Variants in ELMOD3 observed in about 807,000 individuals in gnomAD.
The protein encoded by ELMOD3 is ELMO domain containing 3.
A neutral mutation model predicts 47.4 loss-of-function variants in ELMOD3; 36 were observed. The observed-to-expected ratio is 0.76, with a 90% CI of 0.58 to 1.00. ELMOD3 has a LOEUF of 1.00. ELMOD3 is among the 50% of genes least tolerant of loss of function. The pLI is 0.00. For missense variants in ELMOD3, 404 were observed against 463.8 expected (o/e 0.87, Z 1.18); for synonymous variants, 149 against 183.5 (o/e 0.81, Z 1.52).
rs753998682 is a variant in ELMOD3 at position 85,371,215 on chromosome 2, T to A, written c.484+6T>A. ...GGTCCTGACCATTGCTCAGTGTGAG[T>A]GCAATGCGAGCCCACAGGGCAGTTG... is the stretch of plus-strand genomic sequence containing the variant. On this transcript the variant is annotated splice_donor_region_variant and intron_variant, in intron 9 of 13. Coordinates refer to ENST00000409013, the MANE Select transcript of ELMOD3 (RefSeq NM_001135022.2). 8.7e-6 allele frequency: 14 copies of A among 1,614,148 alleles called. No homozygotes were observed. The highest frequency in any genetic ancestry group is 1.2e-5 in the Non-Finnish European group (14 of 1,180,022).
chr2:85,357,369 C>T (rs1683637429), intron 4 of ELMOD3, 117 bp downstream of exon 4: 1 of 588,816 alleles, frequency 1.7e-6, no homozygotes, highest in African/African-American at 2.0e-5. Flanking sequence ...TTATAGTTCT[C>T]TTTGTTCTGT....
chr2:85,368,386 A>C (rs915340250), intron 6 of ELMOD3: 1 of 378,364 alleles, frequency 2.6e-6, no homozygotes, highest in African/African-American at 2.1e-5. Flanking sequence ...CATGCTGATC[A>C]TGTGGCCCCA....
rs953933480 is a variant in ELMOD3, at chr2:85,368,580, T to G, written c.200-106T>G. The G allele has an allele frequency of 5.4e-4, 604 of 1,124,340 alleles. 2 individuals carry two copies. The highest frequency in any genetic ancestry group is 6.3e-4 in the Non-Finnish European group (481 of 765,596). 69.6% of individuals were successfully genotyped at this position (1,124,340 alleles called of 1,614,324 possible). ...GGGCAACACAGTGACACCCCATCTC[T>G]TAAAAAAAAAAATAGGCCCAAGGCA... On this transcript the variant is annotated intron_variant, in intron 6 of 13. Coordinates refer to ENST00000409013, the MANE Select transcript of ELMOD3 (RefSeq NM_001135022.2).
chr2:85,373,233 A>T (rs1282067769), intron 10 of ELMOD3, among the ~76,000 whole-genome samples: 8 of 145,158 alleles, frequency 5.5e-5, no homozygotes, highest in Non-Finnish European at 1.2e-4. Flanking sequence ...CCTGAGTGAC[A>T]CAACAAGACT....
intron 11 of ELMOD3, among the ~76,000 whole-genome samples, chr2:85,386,318 CT>C (rs1402582570): frequency 6.7e-6 from 1 of 150,024 alleles, no homozygotes; most frequent in Non-Finnish European, 1.5e-5. Flanking sequence ...TCTGAGGGAA[CT>C]GCTGAAGGAA....
At chr2:85,367,944 G>A (rs1027677110) in intron 6 of ELMOD3, among the ~76,000 whole-genome samples, 12 of 150,416 alleles carry the variant, frequency 8.0e-5, no homozygotes, top group Admixed American at 6.6e-5. Context: ...GTGGAGTCTC[G>A]CTCTGTTGCC....
At chr2:85,366,807 G>A (rs1684418190) in intron 6 of ELMOD3, among the ~76,000 whole-genome samples, 1 of 152,176 alleles carries the variant, frequency 6.6e-6, no homozygotes, top group Non-Finnish European at 1.5e-5. Flanking sequence ...ACAGTTTATT[G>A]TCATGTGATG....
At chr2:85,356,907 G>C in intron 3 of ELMOD3, 60 bp from the exon 4 acceptor site, 1 of 229,138 alleles carries the variant, frequency 4.4e-6, no homozygotes, top group Non-Finnish European at 8.4e-6. Context: ...TGTCAACAGA[G>C]GCATAACTGA....
At chr2:85,377,642 CA>C (rs1685256362) in intron 11 of ELMOD3, among the ~76,000 whole-genome samples, 168 bp downstream of exon 11, 1 of 152,218 alleles carries the variant, frequency 6.6e-6, no homozygotes, top group African/African-American at 2.4e-5. Flanking sequence ...GTAGCTCAAG[CA>C]AGTTCCTCGA....
At chr2:85,389,271 C>T (rs1686148842) in intron 11 of ELMOD3, among the ~76,000 whole-genome samples, 1 of 152,198 alleles carries the variant, frequency 6.6e-6, no homozygotes, top group African/African-American at 2.4e-5. Context: ...TCTTCTCTGT[C>T]TTAGGATGAG....
chr2:85,385,918 T>C (rs745714528), intron 11 of ELMOD3, among the ~76,000 whole-genome samples: 4 of 152,172 alleles, frequency 2.6e-5, no homozygotes, highest in Admixed American at 6.5e-5. Flanking sequence ...TCACAATGTT[T>C]CTGAACAAAG....
At chr2:85,374,134 G>GA (rs1447201988) in intron 10 of ELMOD3, among the ~76,000 whole-genome samples, 1 of 151,852 alleles carries the variant, frequency 6.6e-6, no homozygotes, top group Non-Finnish European at 1.5e-5. Context: ...CATAGTTTCT[G>GA]ATGAGAAATC....
chr2:85,360,124 G>A (rs1683842111), intron 4 of ELMOD3, among the ~76,000 whole-genome samples: 1 of 151,848 alleles, frequency 6.6e-6, no homozygotes, highest in African/African-American at 2.4e-5. Flanking sequence ...AAATTAGCAG[G>A]GCGTGGTGGC....
chr2:85,368,775 G>A (rs1684582372), intron 7 of ELMOD3, 21 bp downstream of exon 7: 9 of 1,613,790 alleles, frequency 5.6e-6, no homozygotes, highest in Non-Finnish European at 7.6e-6. Context: ...GAATGCTGCT[G>A]TCTCCCCATA....
Position 85,390,128 on chromosome 2 carries a change from T to C in ELMOD3, c.816-10T>C. The C allele has an allele frequency of 2.5e-6, 4 of 1,613,550 alleles. No individual in the cohort carries two copies. The highest frequency in any genetic ancestry group is 3.4e-6 in the Non-Finnish European group (4 of 1,179,440). On this transcript the variant is annotated splice_polypyrimidine_tract_variant and intron_variant, in intron 12 of 13. Coordinates refer to ENST00000409013, the MANE Select transcript of ELMOD3 (RefSeq NM_001135022.2). The stretch of plus-strand genomic sequence containing the variant: ...ACCGCTGAGCAGGTCACCTTGCCTT[T>C]TTCCTGCAGAGAGTGTAATCGGCAG...
chr2:85,359,779 G>A (rs1225378987), intron 4 of ELMOD3, among the ~76,000 whole-genome samples: 2 of 151,904 alleles, frequency 1.3e-5, no homozygotes, highest in Non-Finnish European at 2.9e-5. Context: ...TAATGAGTGA[G>A]GTTGAACATT....
chr2:85,361,939 A>AG (rs1683998112), intron 4 of ELMOD3, among the ~76,000 whole-genome samples: 1 of 151,944 alleles, frequency 6.6e-6, no homozygotes, highest in African/African-American at 2.4e-5. Flanking sequence ...TCAAAAAAAA[A>AG]AAAGAAAAAG....
chr2:85,388,738 C>T (rs1205832126), intron 11 of ELMOD3, among the ~76,000 whole-genome samples: 1 of 152,206 alleles, frequency 6.6e-6, no homozygotes, highest in Non-Finnish European at 1.5e-5. Context: ...GGAAATGTGG[C>T]TAGTACCACT....
At position 85,376,579 on chromosome 2, in the gene ELMOD3, G is replaced by A. The variant is rs1004728414; in HGVS notation, c.608-765G>A. Among the ~76,000 whole-genome samples, 2 of 152,218 alleles carry A rather than the reference G, an allele frequency of 1.3e-5. No individual in the cohort carries two copies. The highest frequency in any genetic ancestry group is 2.9e-5 in the Non-Finnish European group (2 of 68,034). ...CCCAGCTCCCTGCCCGGCCTTCTCT[G>A]ACGCTACCCTTGTGGAGCTAAGGGG... On this transcript the variant is annotated intron_variant, in intron 10 of 13. Transcript: ENST00000409013. This position sits in a 1 kb window ranked among gnomAD's most constrained non-coding sequence, Gnocchi z 4.2.
Sources: gnomAD v4.1 joint callset for allele counts (sites outside exome capture counted in the v4.1 genomes callset) on GRCh38, gnomAD v4.1.1 for gene constraint, Gnocchi (gnomAD v3.1) non-coding constraint, MANE v1.5 for transcripts, NCBI Gene and HGNC (gene_info 2026-07-23, HGNC 2026-07-21) for gene names.